The following NBEA variants were observed in gnomAD, a reference collection of about 807,000 sequenced individuals.
NBEA encodes lysosomal-trafficking regulator 2.
In NBEA, 44 loss-of-function variants were observed where a neutral mutation model predicts 343.4. The ratio of observed to expected loss-of-function variants is 0.13; its 90% CI spans 0.10 to 0.16. NBEA has a LOEUF of 0.16. Among genes scored for constraint, NBEA ranks in the 10% least tolerant of loss-of-function variants. NBEA has a pLI of 1.00. For synonymous variants in NBEA, 1,175 were observed against 1,238.7 expected (o/e 0.95, Z 1.08); for missense variants, 2,555 against 3,631.3 (o/e 0.70, Z 7.62).
intron 17 of NBEA, among the ~76,000 whole-genome samples, chr13:35,134,846 T>C (rs1038908331): frequency 5.3e-5 from 8 of 151,894 alleles, no homozygotes; most frequent in African/African-American, 1.4e-4. Flanking sequence ...CCATACCTCA[T>C]TGAGATAAAA....
chr13:35,609,141 G>A (rs965778160), intron 48 of NBEA, among the ~76,000 whole-genome samples: 2 of 152,194 alleles, frequency 1.3e-5, no homozygotes, highest in Non-Finnish European at 2.9e-5. Flanking sequence ...AAGAAAAATA[G>A]AGTGGTTATC....
At chr13:35,244,085 A>G (rs989507253) in intron 34 of NBEA, among the ~76,000 whole-genome samples, 4 of 151,974 alleles carry the variant, frequency 2.6e-5, no homozygotes, top group Admixed American at 6.6e-5. Context: ...CTTACAAAGT[A>G]TCTTTTCTAA....
intron 10 of NBEA, among the ~76,000 whole-genome samples, chr13:35,081,062 C>G (rs1201922837): frequency 6.6e-6 from 1 of 152,136 alleles, no homozygotes; most frequent in Non-Finnish European, 1.5e-5. Flanking sequence ...TGATTTAAAA[C>G]ATCGAATGAA....
intron 36 of NBEA, among the ~76,000 whole-genome samples, chr13:35,336,646 G>A (rs2039283294): frequency 6.6e-6 from 1 of 151,952 alleles, no homozygotes; most frequent in Non-Finnish European, 1.5e-5. Flanking sequence ...ATGGTAGACT[G>A]GGTTAAGAAA....
intron 1 of NBEA, among the ~76,000 whole-genome samples, chr13:34,968,202 C>A (rs963297194): frequency 3.3e-5 from 5 of 152,142 alleles, no homozygotes; most frequent in African/African-American, 1.2e-4. Context: ...GGGCACACCA[C>A]CCTCCCAGCA....
chr13:35,482,093 T>A (rs2076140555), intron 41 of NBEA, among the ~76,000 whole-genome samples: 1 of 151,796 alleles, frequency 6.6e-6, no homozygotes, highest in Non-Finnish European at 1.5e-5. Flanking sequence ...AAAATAACCT[T>A]TCCTATTTTT....
chr13:35,561,652 T>A (rs2153021984), intron 44 of NBEA, among the ~76,000 whole-genome samples: 1 of 152,260 alleles, frequency 6.6e-6, no homozygotes, highest in Admixed American at 6.5e-5. Flanking sequence ...TTCTAGATGC[T>A]TTTAAAAATA....
At chr13:35,046,979 G>GGTT (rs1593576472) in intron 4 of NBEA, among the ~76,000 whole-genome samples, 1 of 151,764 alleles carries the variant, frequency 6.6e-6, no homozygotes, top group African/African-American at 2.4e-5. Context: ...TAAAAAATTC[G>GGTT]GTTGTTTTTC....
chr13:35,476,999 C>T, intron 41 of NBEA: 1 of 182,002 alleles, frequency 5.5e-6, no homozygotes, highest in East Asian at 1.9e-4. Flanking sequence ...TCTTTTACCG[C>T]TGAAATGCAA....
chr13:35,554,534 G>A (rs900803013), intron 43 of NBEA, among the ~76,000 whole-genome samples: 5 of 152,208 alleles, frequency 3.3e-5, no homozygotes, highest in Admixed American at 1.3e-4. Flanking sequence ...CAGAGGCTGT[G>A]CATGTGTACA....
chr13:35,558,380 A>T (rs1186986694), intron 44 of NBEA, among the ~76,000 whole-genome samples: 1 of 152,178 alleles, frequency 6.6e-6, no homozygotes, highest in Non-Finnish European at 1.5e-5. Context: ...AAGAGAGCAG[A>T]AAAAGCTTCC....
intron 35 of NBEA, among the ~76,000 whole-genome samples, chr13:35,301,082 A>G (rs2036509282): frequency 6.6e-6 from 1 of 152,176 alleles, no homozygotes; most frequent in Admixed American, 6.5e-5. Flanking sequence ...AGAATATTTT[A>G]TAGTCCCTTT....
rs567485659 is a variant in NBEA, at chr13:35,476,856, C to G, written c.6585+4320C>G. On this transcript the variant is annotated intron_variant, in intron 41 of 58. Transcript: ENST00000379939. ...ACTAAAGGTAGGAGGCTGCTGCCGG[C>G]GGAAAACCACTCAGGCCACCTAGAC... 8 of 984,230 alleles carry G rather than the reference C, an allele frequency of 8.1e-6. No individual in the cohort carries two copies. The South Asian group carries it at 2.3e-4, about 29-fold the overall frequency. 61.0% of individuals were successfully genotyped at this position (984,230 alleles called of 1,614,324 possible). A position where few individuals can be genotyped will look rare whatever the true frequency, so the allele number is the denominator to read the frequency against.
intron 34 of NBEA, among the ~76,000 whole-genome samples, chr13:35,275,302 G>T (rs1427567092): frequency 6.6e-6 from 1 of 152,162 alleles, no homozygotes; most frequent in East Asian, 1.9e-4. Context: ...CTAGCCATAT[G>T]TAGAAAGCTG....
chr13:35,054,174 C>T (rs1186384904), intron 6 of NBEA, among the ~76,000 whole-genome samples: 1 of 151,986 alleles, frequency 6.6e-6, no homozygotes, highest in Non-Finnish European at 1.5e-5. Flanking sequence ...TTTAGAAATG[C>T]AAAGTTTACA....
chr13:35,377,094 T>C (rs2041784689), intron 38 of NBEA, among the ~76,000 whole-genome samples: 1 of 152,138 alleles, frequency 6.6e-6, no homozygotes, highest in Non-Finnish European at 1.5e-5. Flanking sequence ...AATATTTTAT[T>C]TGATGATAGG....
chr13:35,304,343 GTGTGTGTGTGTGTGTATATC>G (rs1291777715), intron 35 of NBEA, among the ~76,000 whole-genome samples: 4 of 151,938 alleles, frequency 2.6e-5, no homozygotes, highest in African/African-American at 9.7e-5. Flanking sequence ...GTGTGTGTGT[GTGTGTGTGTGTGTGTATATC>G]TGTGTGTGTG....
chr13:35,528,333 T>C (rs1594890114), intron 41 of NBEA, among the ~76,000 whole-genome samples: 2 of 152,208 alleles, frequency 1.3e-5, no homozygotes, highest in African/African-American at 4.8e-5. Context: ...AAAGAAGACA[T>C]TCGTTTAAGT....
chr13:35,329,958 T>C (rs1209049570), intron 36 of NBEA, among the ~76,000 whole-genome samples: 1 of 151,950 alleles, frequency 6.6e-6, no homozygotes, highest in East Asian at 1.9e-4. Context: ...AGTGCTCCTA[T>C]ACCATGCTTA....
Sources: allele counts gnomAD v4.1 joint callset (sites outside exome capture counted in the v4.1 genomes callset), GRCh38; gene constraint gnomAD v4.1.1; transcripts MANE v1.5; gene names NCBI Gene and HGNC (gene_info 2026-07-23, HGNC 2026-07-21).